The following MYO5A variants were observed in gnomAD, a reference collection of about 807,000 sequenced individuals.
MYO5A encodes unconventional myosin-Va.
A neutral mutation model predicts 249.7 loss-of-function variants in MYO5A; 98 were observed. That is an observed-to-expected ratio of 0.39 (90% CI 0.33 to 0.46). MYO5A has a LOEUF of 0.46. MYO5A is among the 20% of genes least tolerant of loss of function. The probability of loss-of-function intolerance (pLI) is 0.98; values close to 1 mark genes in which losing one functional copy is unlikely to be tolerated. For synonymous variants in MYO5A, 778 were observed against 810.6 expected, an observed-to-expected ratio of 0.96 and a Z score of 0.68; for missense variants, 1,696 against 2,308.8, an observed-to-expected ratio of 0.73 and a Z score of 5.44.
Position 52,383,206 on chromosome 15 carries a change from G to A in MYO5A, c.1915-18C>T, listed in dbSNP as rs1188583065. On this transcript the variant is annotated intron_variant, in intron 15 of 41. Coordinates refer to ENST00000399233, the MANE Select transcript of MYO5A (RefSeq NM_001382347.1). The stretch of plus-strand genomic sequence containing the variant: ...TTTCTGAACTGCATGAAAAAGGGCA[G>A]AAGAGGGTATCAAGGCTTTGTCCAA... The A allele has an allele frequency of 1.8e-5, 29 of 1,579,698 alleles. No homozygotes were observed. The highest frequency in any genetic ancestry group is 2.5e-5 in the Non-Finnish European group (29 of 1,148,882).
chr15:52,475,438 T>C (rs1218288214), intron 1 of MYO5A, among the ~76,000 whole-genome samples: 1 of 152,226 alleles, frequency 6.6e-6, no homozygotes, highest in East Asian at 1.9e-4. Flanking sequence ...AGCTTTTGAA[T>C]GTGTTTGCTC....
rs189025543 is a variant in MYO5A, at chr15:52,313,856, G to T, written c.5491-8C>A. On this transcript the variant is annotated splice_polypyrimidine_tract_variant and splice_region_variant and intron_variant, in intron 41 of 41. Transcript: ENST00000399233. ...CCTGTCTCGTAAACGCATCTGAGAA[G>T]ATTAGGAAAAAAAATAAACAGAGCA... 4.3e-6 allele frequency: 7 copies of T among 1,613,438 alleles called. No homozygotes were observed. In the Admixed American group the frequency reaches 1.2e-4, roughly 27 times the overall value.
intron 1 of MYO5A, among the ~76,000 whole-genome samples, chr15:52,465,241 G>A (rs527671817): frequency 1.3e-5 from 2 of 152,248 alleles, no homozygotes; most frequent in Admixed American, 6.5e-5. Context: ...ATCTTTAAGT[G>A]GAAGTGTTAA....
chr15:52,413,635 T>C (rs1225375638), intron 5 of MYO5A, among the ~76,000 whole-genome samples: 1 of 152,176 alleles, frequency 6.6e-6, no homozygotes, highest in Non-Finnish European at 1.5e-5. Context: ...GATTTAAAGC[T>C]ACAAATTTTT....
chr15:52,341,795 A>G (rs1222445163), intron 31 of MYO5A, among the ~76,000 whole-genome samples: 1 of 152,248 alleles, frequency 6.6e-6, no homozygotes, highest in Non-Finnish European at 1.5e-5. Context: ...TGTTTTAAAA[A>G]TTTAATCACT....
chr15:52,434,308 A>G (rs2075612894), intron 1 of MYO5A, among the ~76,000 whole-genome samples: 1 of 151,948 alleles, frequency 6.6e-6, no homozygotes, highest in Admixed American at 6.6e-5. Context: ...CACAATTTGG[A>G]TTTTTTTATG....
intron 36 of MYO5A, among the ~76,000 whole-genome samples, chr15:52,324,582 T>G (rs1007963993): frequency 6.6e-6 from 1 of 152,176 alleles, no homozygotes; most frequent in East Asian, 1.9e-4. Flanking sequence ...TTTTTTTGCA[T>G]GAAATCATTT....
At chr15:52,461,399 T>C (rs551988354) in intron 1 of MYO5A, among the ~76,000 whole-genome samples, 17 of 152,342 alleles carry the variant, frequency 1.1e-4, no homozygotes, top group African/African-American at 4.1e-4. Flanking sequence ...ATAAATCATC[T>C]TAACATTAAA....
At chr15:52,471,596 C>CACACACACACAA (rs1022117499) in intron 1 of MYO5A, among the ~76,000 whole-genome samples, 1 of 150,814 alleles carries the variant, frequency 6.6e-6, no homozygotes, top group Non-Finnish European at 1.5e-5. Flanking sequence ...CTCTAAAACA[C>CACACACACACAA]ACACACACAC....
At chr15:52,505,681 C>A in intron 1 of MYO5A, 2 of 1,248,574 alleles carry the variant, frequency 1.6e-6, no homozygotes, top group Non-Finnish European at 2.3e-6. Context: ...CAGAAGCATT[C>A]AAGCAGACGT....
chr15:52,464,571 ACG>A (rs1272643833), intron 1 of MYO5A, among the ~76,000 whole-genome samples: 1 of 152,258 alleles, frequency 6.6e-6, no homozygotes, highest in African/African-American at 2.4e-5. Flanking sequence ...GGCAGGGACA[ACG>A]AACACCGAAA....
chr15:52,336,673 T>C (rs897468303), intron 33 of MYO5A, 117 bp from the exon 34 acceptor site: 30 of 789,206 alleles, frequency 3.8e-5, no homozygotes, highest in Middle Eastern at 3.6e-4. Context: ...TAAGAGCTCA[T>C]TGGTGGAGCC....
At chr15:52,366,886 G>A in intron 23 of MYO5A, 145 bp downstream of exon 23, 3 of 739,512 alleles carry the variant, frequency 4.1e-6, no homozygotes, top group Admixed American at 2.1e-5. Context: ...TTGCCTCTTG[G>A]AACTTTATAA....
chr15:52,379,936 C>G (rs1457507770), intron 16 of MYO5A, 28 bp from the exon 17 acceptor site: 1 of 1,611,278 alleles, frequency 6.2e-7, no homozygotes, highest in African/African-American at 1.3e-5. Context: ...AGCTGTTAGT[C>G]CACAAAGAAC....
intron 1 of MYO5A, among the ~76,000 whole-genome samples, chr15:52,460,332 G>A (rs2076220932): frequency 6.6e-6 from 1 of 152,204 alleles, no homozygotes; most frequent in Admixed American, 6.5e-5. Context: ...CCGAGATCAC[G>A]CCACTGCACT....
chr15:52,489,911 T>A (rs1242571965), intron 1 of MYO5A, among the ~76,000 whole-genome samples: 1 of 152,198 alleles, frequency 6.6e-6, no homozygotes, highest in Non-Finnish European at 1.5e-5. Context: ...GCAAAGACTT[T>A]GAATAGACGT....
chr15:52,407,939 T>TA (rs1162024474), intron 7 of MYO5A, 120 bp downstream of exon 7: 4 of 725,130 alleles, frequency 5.5e-6, no homozygotes, highest in Non-Finnish European at 9.6e-6. Flanking sequence ...GCTGACTTTT[T>TA]ATCATATTAT....
intron 13 of MYO5A, 115 bp from the exon 14 acceptor site, chr15:52,388,027 T>C (rs112993797): frequency 3.9e-6 from 3 of 778,624 alleles, no homozygotes; most frequent in East Asian, 2.7e-5. Flanking sequence ...CTCAGCAAAC[T>C]GGTATTATCA....
intron 1 of MYO5A, among the ~76,000 whole-genome samples, chr15:52,458,311 C>G (rs1037662246): frequency 3.9e-5 from 6 of 152,206 alleles, no homozygotes; most frequent in Middle Eastern, 3.2e-3. Context: ...CACAGTGGCT[C>G]ATGCCTGTAA....
Sources: gnomAD v4.1 joint callset for allele counts (sites outside exome capture counted in the v4.1 genomes callset) on GRCh38, gnomAD v4.1.1 for gene constraint, MANE v1.5 for transcripts, NCBI Gene and HGNC (gene_info 2026-07-23, HGNC 2026-07-21) for gene names.